Variants in SCFD2 observed in about 807,000 individuals in gnomAD.
The protein encoded by SCFD2 is sec1 family domain containing 2, also known as sec1 family domain-containing protein 2.
SCFD2 carries 54 observed loss-of-function variants against 58.9 expected under a neutral mutation model. That is an observed-to-expected ratio of 0.92 (90% CI 0.74 to 1.15). The LOEUF is 1.15. Ranked by LOEUF, SCFD2 falls within the 50% of genes most tolerant of loss-of-function variation. The probability of loss-of-function intolerance (pLI) is 0.00; values close to 1 mark genes in which losing one functional copy is unlikely to be tolerated. For synonymous variants in SCFD2, 321 were observed against 335.9 expected (o/e 0.96, Z 0.49); for missense variants, 805 against 836.6 (o/e 0.96, Z 0.47).
chr4:53,105,781 C>A (rs28770187), intron 5 of SCFD2, among the ~76,000 whole-genome samples: 49,635 of 152,060 alleles, frequency 0.33, 9,919 homozygotes, highest in Non-Finnish European at 0.42. Flanking sequence ...TTAAATGTCC[C>A]TGCCTGCAGG....
chr4:53,214,537 A>G (rs1345986197), intron 4 of SCFD2, among the ~76,000 whole-genome samples: 1 of 152,020 alleles, frequency 6.6e-6, no homozygotes, highest in East Asian at 1.9e-4. Flanking sequence ...AGTTCATTGT[A>G]GATTCTGGAT....
At chr4:53,067,346 T>C (rs1723691257) in intron 5 of SCFD2, among the ~76,000 whole-genome samples, 1 of 151,976 alleles carries the variant, frequency 6.6e-6, no homozygotes, top group East Asian at 1.9e-4. Context: ...TACTCAAACA[T>C]ACATTTCAAT....
chr4:53,104,626 GAA>G (rs1443550313), intron 5 of SCFD2, among the ~76,000 whole-genome samples: 2 of 152,116 alleles, frequency 1.3e-5, no homozygotes, highest in Non-Finnish European at 2.9e-5. Context: ...TAAATAATAA[GAA>G]AAACTGGATA....
chr4:53,111,698 T>A (rs918744093), intron 5 of SCFD2, among the ~76,000 whole-genome samples: 1 of 152,124 alleles, frequency 6.6e-6, no homozygotes, highest in African/African-American at 2.4e-5. Flanking sequence ...CATTTAACAT[T>A]TTTCATATTT....
intron 4 of SCFD2, among the ~76,000 whole-genome samples, chr4:53,179,290 A>G (rs1418427013): frequency 6.6e-6 from 1 of 152,202 alleles, no homozygotes; most frequent in Non-Finnish European, 1.5e-5. Flanking sequence ...CATCAGACTA[A>G]CAGCTGATCG....
At chr4:52,917,628 C>A (rs59949849) in intron 6 of SCFD2, among the ~76,000 whole-genome samples, 2,599 of 152,232 alleles carry the variant, frequency 0.017, 97 homozygotes, top group African/African-American at 0.06. Flanking sequence ...GCCTCTTGAT[C>A]CCCATTGCCC....
At chr4:53,210,702 T>C (rs1728581817) in intron 4 of SCFD2, among the ~76,000 whole-genome samples, 1 of 152,128 alleles carries the variant, frequency 6.6e-6, no homozygotes, top group Non-Finnish European at 1.5e-5. Flanking sequence ...CATGGTATTA[T>C]GACAGATATT....
chr4:53,286,629 T>A (rs1237763017), intron 3 of SCFD2, among the ~76,000 whole-genome samples: 1 of 152,134 alleles, frequency 6.6e-6, no homozygotes, highest in African/African-American at 2.4e-5. Context: ...GCACCTGAGA[T>A]AATGTGGTAC....
chr4:53,164,040 T>TGGTAAAAAG (rs1726931474), intron 4 of SCFD2, among the ~76,000 whole-genome samples: 1 of 152,178 alleles, frequency 6.6e-6, no homozygotes, highest in Non-Finnish European at 1.5e-5. Context: ...TCTCTAGGTC[T>TGGTAAAAAG]CAAGTTCCTG....
At chr4:53,294,754 AT>A (rs1201808262) in intron 3 of SCFD2, among the ~76,000 whole-genome samples, 1 of 152,024 alleles carries the variant, frequency 6.6e-6, no homozygotes, top group Non-Finnish European at 1.5e-5. Context: ...GTTTTCTTCT[AT>A]GGTTTTTATG....
At chr4:53,183,676 G>A (rs201245988) in intron 4 of SCFD2, among the ~76,000 whole-genome samples, 2 of 145,158 alleles carry the variant, frequency 1.4e-5, no homozygotes, top group African/African-American at 2.5e-5. Flanking sequence ...AAAAAAAAAA[G>A]AAATGAAAAC....
At chr4:53,202,275 A>G (rs1365292115) in intron 4 of SCFD2, among the ~76,000 whole-genome samples, 2 of 152,198 alleles carry the variant, frequency 1.3e-5, no homozygotes, top group Non-Finnish European at 2.9e-5. Context: ...CCATTTATTT[A>G]ATAGGGAATC....
At chr4:52,932,734 C>T (rs544281694) in intron 5 of SCFD2, among the ~76,000 whole-genome samples, 1 of 152,162 alleles carries the variant, frequency 6.6e-6, no homozygotes, top group East Asian at 1.9e-4. Context: ...ATGAGGCCCC[C>T]ACTTTCTCCC....
intron 4 of SCFD2, among the ~76,000 whole-genome samples, chr4:53,252,018 T>C (rs1229054078): frequency 6.6e-6 from 1 of 152,200 alleles, no homozygotes; most frequent in East Asian, 1.9e-4. Flanking sequence ...CTTCAGCTGA[T>C]AGGCAACTTC....
At chr4:53,248,166 G>A (rs545806860) in intron 4 of SCFD2, among the ~76,000 whole-genome samples, 26 of 152,278 alleles carry the variant, frequency 1.7e-4, no homozygotes, top group African/African-American at 4.1e-4. Context: ...GGTGACAGAC[G>A]GCACCTTGAA....
rs1239669693 is a variant in SCFD2, at chr4:53,365,162, C to G, written c.780G>C (p.Lys260Asn). The G allele has an allele frequency of 6.2e-7, 1 of 1,614,258 alleles. No homozygotes were observed. The highest frequency in any genetic ancestry group is 8.5e-7 in the Non-Finnish European group (1 of 1,180,050). ...CTGATGCCCTGCCTGCAGCAGTCTT[C>G]TTCCTGTTCTTTGCAGGGGCATAAT... The part of the protein sequence containing the change: ...LANYAPAKNR[K>N]KTAAGRASVV... The change falls in exon 1 of 9, where the codon AAG (lysine) becomes AAC (asparagine). Residue 260 changes from lysine (K) to asparagine (N), a missense_variant. This residue lies in a region of SCFD2 where 633 missense variants were observed against 646.8 expected (regional missense o/e 0.98). Coordinates refer to ENST00000401642, the MANE Select transcript of SCFD2 (RefSeq NM_152540.4). The surrounding 1 kb of genome is among the most constrained non-coding windows in gnomAD (Gnocchi z 4.3).
At chr4:53,283,332 C>T (rs1463452822) in intron 3 of SCFD2, among the ~76,000 whole-genome samples, 1 of 152,130 alleles carries the variant, frequency 6.6e-6, no homozygotes, top group Non-Finnish European at 1.5e-5. Context: ...CTCTATATTA[C>T]CATAACAGTT....
chr4:53,179,880 C>A (rs147915678), intron 4 of SCFD2, among the ~76,000 whole-genome samples: 2,860 of 151,956 alleles, frequency 0.019, 92 homozygotes, highest in African/African-American at 0.063. Flanking sequence ...ACTTTAAACC[C>A]ACAAAGATCA....
chr4:53,007,329 AGAGAGG>A (rs1364731988), intron 5 of SCFD2, among the ~76,000 whole-genome samples: 46 of 131,486 alleles, frequency 3.5e-4, no homozygotes, highest in South Asian at 2.2e-3. Context: ...AGAGAGAGAG[AGAGAGG>A]GAGAGAGAGA....
Sources: gnomAD v4.1 joint callset for allele counts (sites outside exome capture counted in the v4.1 genomes callset) on GRCh38, gnomAD v4.1.1 for gene constraint, gnomAD v4.1.1 regional missense constraint, Gnocchi (gnomAD v3.1) non-coding constraint, MANE v1.5 for transcripts, NCBI Gene and HGNC (gene_info 2026-07-23, HGNC 2026-07-21) for gene names.